DHTKD1: variants seen among roughly 807,000 people sequenced by gnomAD.
DHTKD1 encodes the protein 2-oxoadipate dehydrogenase complex component E1.
In DHTKD1, 78 loss-of-function variants were observed where a neutral mutation model predicts 101.8. The ratio of observed to expected loss-of-function variants is 0.77; its 90% CI spans 0.64 to 0.93. The LOEUF (loss-of-function observed/expected upper bound fraction) is 0.93, where lower values mean the gene tolerates loss of function less well. Among genes scored for constraint, DHTKD1 ranks in the 40% least tolerant of loss-of-function variants. The pLI, the probability that DHTKD1 is intolerant of heterozygous loss-of-function variation, is 0.00. For missense variants in DHTKD1, 1,223 were observed against 1,161.7 expected (o/e 1.05, Z -0.77); for synonymous variants, 462 against 450.3 (o/e 1.03, Z -0.33).
chr10:12,084,659 G>T lies in DHTKD1; in HGVS notation c.430G>T (p.Asp144Tyr). 6.2e-7 allele frequency: 1 copy of T among 1,614,178 alleles called. No individual in the cohort carries two copies. The highest frequency in any genetic ancestry group is 8.5e-7 in the Non-Finnish European group (1 of 1,180,028). ...CCAACTTCAGAGCCAGGATGAGAAAGACTGGTTTGCCAAGCGGTTTGAGGA... is the reference window on the plus strand; with the variant it reads ...CCAACTTCAGAGCCAGGATGAGAAATACTGGTTTGCCAAGCGGTTTGAGGA... ...TSQLQSQDEK[D>Y]WFAKRFEELQ... is the part of the protein sequence containing the mutation. The change falls in exon 3 of 17, where the codon GAC becomes TAC. Residue 144 changes from aspartate (D) to tyrosine (Y), a missense_variant. Transcript: ENST00000263035.
chr10:12,107,764 C>T lies in DHTKD1; in HGVS notation c.2048-145C>T, dbSNP rs1833272238. The T allele has an allele frequency of 3.3e-6, 2 of 605,130 alleles. No homozygotes were observed. The highest frequency in any genetic ancestry group is 2.0e-5 in the South Asian group (1 of 50,068). 37.5% of individuals were successfully genotyped at this position (605,130 alleles called of 1,614,324 possible). A position where few individuals can be genotyped will look rare whatever the true frequency, so the allele number is the denominator to read the frequency against. On this transcript the variant is annotated intron_variant, in intron 11 of 16. Coordinates refer to ENST00000263035, the MANE Select transcript of DHTKD1 (RefSeq NM_018706.7). This position sits in a 1 kb window ranked among gnomAD's most constrained non-coding sequence, Gnocchi z 4.1. ...GAAATGGACATTTCCCTAAGTATAGCATAACAGTTCTAGAAGGTGCATGTA... is the reference window on the plus strand; with the variant it reads ...GAAATGGACATTTCCCTAAGTATAGTATAACAGTTCTAGAAGGTGCATGTA...
At chr10:12,114,775 GT>G (rs1833388317) in intron 13 of DHTKD1, among the ~76,000 whole-genome samples, 1 of 124,632 alleles carries the variant, frequency 8.0e-6, no homozygotes, top group Non-Finnish European at 1.9e-5. Flanking sequence ...TGGTTGGTTG[GT>G]TGGTTGGTTG....
At chr10:12,084,902 TTAGCCAGGCATGCTGG>T (rs1423726943) in intron 3 of DHTKD1, 151 bp downstream of exon 3, 5 of 617,052 alleles carry the variant, frequency 8.1e-6, no homozygotes, top group Non-Finnish European at 1.4e-5. Flanking sequence ...AATACGAAAA[TTAGCCAGGCATGCTGG>T]TGCATGCCTG....
At chr10:12,096,093 C>T (rs1833068315) in intron 7 of DHTKD1, among the ~76,000 whole-genome samples, 1 of 152,114 alleles carries the variant, frequency 6.6e-6, no homozygotes, top group Non-Finnish European at 1.5e-5. Flanking sequence ...TTTTAAATTA[C>T]TCATGGCTTG....
chr10:12,111,794 A>G (rs1421317788), intron 12 of DHTKD1, among the ~76,000 whole-genome samples: 1 of 152,160 alleles, frequency 6.6e-6, no homozygotes, highest in East Asian at 1.9e-4. Context: ...CACCTGGGAA[A>G]GAAGGAGAAT....
intron 1 of DHTKD1, among the ~76,000 whole-genome samples, chr10:12,073,041 A>G (rs200800218): frequency 2.8e-5 from 3 of 105,288 alleles, no homozygotes; most frequent in East Asian, 3.2e-4. Context: ...TGACCTGTTT[A>G]TTTGTTTTTT....
chr10:12,120,337 TTC>T, intron 16 of DHTKD1, 70 bp downstream of exon 16: 1 of 1,387,478 alleles, frequency 7.2e-7, no homozygotes, highest in Non-Finnish European at 1.0e-6. Context: ...CTTTCTTTCT[TTC>T]TTTTTTTTTT....
intron 8 of DHTKD1, among the ~76,000 whole-genome samples, chr10:12,098,431 A>G (rs1333165108): frequency 6.6e-6 from 1 of 152,194 alleles, no homozygotes; most frequent in African/African-American, 2.4e-5. Context: ...TAGGATGACA[A>G]ACCACCCTGG....
rs148613315 is a variant in DHTKD1 at position 12,094,197 on chromosome 10, G to A, written c.1284G>A (p.Leu428=). The part of the protein sequence containing the change: ...QFRKDVIIDL[L]CYRQWGHNEL... ...GCAAGGATGTGATTATTGATCTGTT[G>A]TGCTACAGGCAGTGGGGCCACAATG... Residue 428 remains leucine (L), a synonymous_variant, in exon 7 of 17, where the codon TTG becomes TTA. Transcript: ENST00000263035. 4.2e-4 allele frequency: 672 copies of A among 1,614,158 alleles called. 2 individuals carry two copies. The African/African-American group carries it at 7.8e-3, about 19-fold the overall frequency.
In DHTKD1 at chr10:12,106,333, G is replaced by A; in HGVS notation, c.1984G>A (p.Glu662Lys). ...IESPKLLPLW[E>K]AQFGDFFNGA... Reference sequence around the variant, plus strand: ...GAGCCCAAAGTTACTGCCCCTGTGGGAGGCACAGTTTGGCGATTTCTTCAA... The same window carrying A: ...GAGCCCAAAGTTACTGCCCCTGTGGAAGGCACAGTTTGGCGATTTCTTCAA... Residue 662 changes from glutamate to lysine, a missense_variant, in exon 11 of 17, where the codon GAG (glutamate) becomes AAG (lysine). Physicochemically the swap from Glu to Lys is moderately conservative, Grantham distance 56 (BLOSUM62 1). Transcript: ENST00000263035. The A allele has an allele frequency of 6.2e-7, 1 of 1,614,204 alleles. No individual in the cohort carries two copies. Among genetic ancestry groups the A allele is most frequent in the East Asian group, 2.2e-5 (1 of 44,868 alleles).
chr10:12,121,416 G>A lies in DHTKD1; in HGVS notation c.*528G>A, dbSNP rs1039155897. The A allele has an allele frequency of 6.5e-6, 1 of 153,058 alleles. No homozygotes were observed. The highest frequency in any genetic ancestry group is 2.4e-5 in the African/African-American group (1 of 41,400). The allele number at this position is 153,058 out of a possible 1,614,324, so 9.5% of individuals were successfully genotyped here. The stretch of plus-strand genomic sequence containing the variant: ...GCAACCAGCAAATTTATCCTTGAAG[G>A]TGTGATGGTAGAAATAGGAAAACAA... On this transcript the variant is annotated 3_prime_UTR_variant, in exon 17 of 17. Coordinates refer to ENST00000263035, the MANE Select transcript of DHTKD1 (RefSeq NM_018706.7).
At chr10:12,104,534 T>A (rs1305032306) in intron 10 of DHTKD1, among the ~76,000 whole-genome samples, 4 of 152,186 alleles carry the variant, frequency 2.6e-5, no homozygotes, top group Non-Finnish European at 4.4e-5. Context: ...CATATATTTT[T>A]TTAAAATTTG....
intron 5 of DHTKD1, among the ~76,000 whole-genome samples, chr10:12,090,514 A>C (rs1832976570): frequency 6.8e-6 from 1 of 146,674 alleles, no homozygotes; most frequent in Non-Finnish European, 1.5e-5. Flanking sequence ...ATGGGTTCTC[A>C]ATCTTTTGTC....
chr10:12,089,151 C>A lies in DHTKD1; in HGVS notation c.883C>A (p.Pro295Thr), dbSNP rs1221321238. 1 of 1,614,168 alleles carries A rather than the reference C, an allele frequency of 6.2e-7. No individual in the cohort carries two copies. Among genetic ancestry groups the A allele is most frequent in the African/African-American group, 1.3e-5 (1 of 75,044 alleles). Residue 295 changes from proline (P) to threonine (T), a missense_variant, in exon 5 of 17, where the codon CCC (proline) becomes ACC (threonine). By Grantham distance (38) the Pro-to-Thr change is conservative (BLOSUM62 -1). Transcript: ENST00000263035. Reference protein sequence around the residue: ...PNPSHLEAVNPVAVGKTRGRQ... With the variant: ...PNPSHLEAVNTVAVGKTRGRQ... ...TCCCTCGCACCTGGAGGCCGTCAAC[C>A]CCGTGGCCGTGGGCAAAACTCGCGG... is the stretch of plus-strand genomic sequence containing the variant.
chr10:12,087,691 C>A lies in DHTKD1; in HGVS notation c.679C>A (p.Leu227Met). ...VIIGMPHRGRLNLLTGLLQFP... is the reference protein window; with the variant it reads ...VIIGMPHRGRMNLLTGLLQFP... ...TATTGGGATGCCCCATAGAGGGAGGCTGAATTTATTGACAGGCCTTCTGCA... is the reference window on the plus strand; with the variant it reads ...TATTGGGATGCCCCATAGAGGGAGGATGAATTTATTGACAGGCCTTCTGCA... The change falls in exon 4 of 17, where the codon CTG (leucine) becomes ATG (methionine). Residue 227 changes from leucine (L) to methionine (M), a missense_variant. Leu to Met is a conservative substitution (Grantham distance 15, BLOSUM62 2). Transcript: ENST00000263035. This position sits in a 1 kb window ranked among gnomAD's most constrained non-coding sequence, Gnocchi z 5.2. 1 of 1,610,052 alleles carries A rather than the reference C, an allele frequency of 6.2e-7. No individual in the cohort carries two copies. Among genetic ancestry groups the A allele is most frequent in the East Asian group, 2.2e-5 (1 of 44,820 alleles).
intron 12 of DHTKD1, among the ~76,000 whole-genome samples, chr10:12,112,346 A>G (rs897676818): frequency 2.0e-5 from 3 of 151,892 alleles, no homozygotes; most frequent in African/African-American, 7.3e-5. Flanking sequence ...GATTTTGTCA[A>G]CTCTCTTTCT....
chr10:12,116,807 C>T (rs1415675432), intron 13 of DHTKD1, among the ~76,000 whole-genome samples: 3 of 151,852 alleles, frequency 2.0e-5, no homozygotes, highest in Non-Finnish European at 4.4e-5. Context: ...AACTTCTAGC[C>T]TCCCACCTCA....
chr10:12,114,317 G>A (rs1022261614), intron 13 of DHTKD1, among the ~76,000 whole-genome samples: 2 of 147,880 alleles, frequency 1.4e-5, no homozygotes, highest in Admixed American at 6.7e-5. Flanking sequence ...TTTTTTTTGA[G>A]ACGGAGTCTC....
At chr10:12,120,425 C>G (rs1022149888) in intron 16 of DHTKD1, 158 bp downstream of exon 16, 2 of 607,422 alleles carry the variant, frequency 3.3e-6, no homozygotes, top group South Asian at 3.9e-5. Flanking sequence ...GCTCCGCCCC[C>G]CGGGTTCACG....
Sources: gnomAD v4.1 joint callset for allele counts (sites outside exome capture counted in the v4.1 genomes callset) on GRCh38, gnomAD v4.1.1 for gene constraint, Gnocchi (gnomAD v3.1) non-coding constraint, MANE v1.5 for transcripts, NCBI Gene and HGNC (gene_info 2026-07-23, HGNC 2026-07-21) for gene names.